The following UBE2V2 variants were observed in gnomAD, a reference collection of about 807,000 sequenced individuals.
UBE2V2 encodes the protein ubiquitin-conjugating enzyme E2 variant 2.
UBE2V2 carries 9 observed loss-of-function variants against 17.2 expected under a neutral mutation model. The ratio of observed to expected loss-of-function variants is 0.52; its 90% CI spans 0.32 to 0.91. The LOEUF (loss-of-function observed/expected upper bound fraction) is 0.91, where lower values mean the gene tolerates loss of function less well. Ranked by LOEUF, UBE2V2 falls within the 40% of genes least tolerant of loss-of-function variation. The pLI is 0.04. For missense variants in UBE2V2, 133 were observed against 182.6 expected, an observed-to-expected ratio of 0.73 and a Z score of 1.56; for synonymous variants, 61 against 57.5, an observed-to-expected ratio of 1.06 and a Z score of -0.28.
chr8:48,009,515 T>C lies in UBE2V2; in HGVS notation c.16+1045T>C, dbSNP rs200224907. On this transcript the variant is annotated intron_variant, in intron 1 of 3. Transcript: ENST00000523111. The stretch of plus-strand genomic sequence containing the variant: ...TCCTGACCTCAGGTGATCCGCCCAC[T>C]TCGGCCTCCCAGAGTGCTGGAATTA... Among the ~76,000 whole-genome samples, 29 of 152,248 alleles carry C rather than the reference T, an allele frequency of 1.9e-4. No individual in the cohort carries two copies. In the East Asian group the frequency reaches 3.9e-3, roughly 20 times the overall value.
chr8:48,056,614 A>G (rs1174396006), intron 3 of UBE2V2, among the ~76,000 whole-genome samples: 1 of 152,038 alleles, frequency 6.6e-6, no homozygotes, highest in Non-Finnish European at 1.5e-5. Context: ...CTGGTCTCGA[A>G]CTCCTGGGCT....
At chr8:48,053,388 G>A (rs1264135647) in intron 3 of UBE2V2, among the ~76,000 whole-genome samples, 2 of 149,816 alleles carry the variant, frequency 1.3e-5, no homozygotes, top group African/African-American at 4.9e-5. Context: ...TTTGTCAAAT[G>A]TTAACATTTG....
At chr8:48,015,564 G>A (rs1173645578) in intron 1 of UBE2V2, among the ~76,000 whole-genome samples, 1 of 152,014 alleles carries the variant, frequency 6.6e-6, no homozygotes, top group Non-Finnish European at 1.5e-5. Flanking sequence ...TAATCACCAT[G>A]CTATACAGTA....
intron 1 of UBE2V2, chr8:48,035,189 C>T: frequency 3.2e-6 from 3 of 924,274 alleles, no homozygotes; most frequent in Non-Finnish European, 3.8e-6. Context: ...AATCTCAGCT[C>T]ACTGCTACTT....
chr8:48,039,991 A>G (rs2091450597), intron 1 of UBE2V2, among the ~76,000 whole-genome samples: 1 of 150,680 alleles, frequency 6.6e-6, no homozygotes, highest in South Asian at 2.1e-4. Context: ...TTGCCTCCCA[A>G]AATGCTGGGT....
chr8:48,000,821 C>CAA, the UBE2V2 span, among the ~76,000 whole-genome samples: 101 of 20,508 alleles, frequency 4.9e-3, 2 homozygotes, highest in Non-Finnish European at 6.1e-3. Context: ...GACTTTGCCT[C>CAA]AAAAAAAAAA....
intron 1 of UBE2V2, among the ~76,000 whole-genome samples, chr8:48,024,485 C>T (rs754156641): frequency 1.3e-5 from 2 of 151,988 alleles, no homozygotes; most frequent in African/African-American, 4.8e-5. Context: ...ATCCCAGCTA[C>T]TCAGGAGACT....
chr8:48,038,482 A>AT (rs575210142), intron 1 of UBE2V2, among the ~76,000 whole-genome samples: 145 of 143,170 alleles, frequency 1.0e-3, no homozygotes, highest in Middle Eastern at 3.6e-3. Context: ...TGCCCAGCTA[A>AT]TTTTTTTTTT....
At chr8:48,035,439 T>C (rs911383210) in intron 1 of UBE2V2, among the ~76,000 whole-genome samples, 1 of 151,856 alleles carries the variant, frequency 6.6e-6, no homozygotes, top group African/African-American at 2.4e-5. Flanking sequence ...CCTCTTCTAC[T>C]GATAAAACAG....
At chr8:48,042,029 G>T (rs1013440003) in intron 1 of UBE2V2, 2 of 152,222 alleles carry the variant, frequency 1.3e-5, no homozygotes, top group Admixed American at 1.3e-4. Flanking sequence ...CCAATCTCAG[G>T]TGATCTGCCT....
chr8:48,010,268 G>A (rs1336589622), intron 1 of UBE2V2, among the ~76,000 whole-genome samples: 2 of 146,542 alleles, frequency 1.4e-5, no homozygotes, highest in African/African-American at 2.5e-5. Context: ...ATGGAGTCTC[G>A]CTGCATTGCC....
At chr8:48,060,209 CAAAAAAAAAA>C (rs557515958) in intron 3 of UBE2V2, among the ~76,000 whole-genome samples, 93 of 43,824 alleles carry the variant, frequency 2.1e-3, no homozygotes, top group African/African-American at 6.3e-3. Flanking sequence ...GACTCTGTCT[CAAAAAAAAAA>C]AAAAAAAAAA....
At chr8:47,999,960 CAGGACAGGG>C in the UBE2V2 span, among the ~76,000 whole-genome samples, 1 of 152,184 alleles carries the variant, frequency 6.6e-6, no homozygotes, top group African/African-American at 2.4e-5. Flanking sequence ...TGGAACAGAA[CAGGACAGGG>C]ATTTTCACAA....
intron 1 of UBE2V2, among the ~76,000 whole-genome samples, chr8:48,024,770 C>G (rs951941499): frequency 2.0e-5 from 3 of 152,004 alleles, no homozygotes. Context: ...AATATTAAAA[C>G]TCCATGTTCT....
At chr8:48,057,352 A>G (rs1288510010) in intron 3 of UBE2V2, among the ~76,000 whole-genome samples, 4 of 152,118 alleles carry the variant, frequency 2.6e-5, no homozygotes, top group African/African-American at 9.6e-5. Flanking sequence ...CCCAGGCTGG[A>G]GTGCAGTGGC....
At chr8:48,015,626 A>G (rs1364211661) in intron 1 of UBE2V2, among the ~76,000 whole-genome samples, 1 of 152,090 alleles carries the variant, frequency 6.6e-6, no homozygotes, top group East Asian at 1.9e-4. Flanking sequence ...TTTGTCTAAC[A>G]TCTTCCCAAT....
At chr8:48,000,893 T>G in the UBE2V2 span, among the ~76,000 whole-genome samples, 1 of 139,188 alleles carries the variant, frequency 7.2e-6, no homozygotes, top group Non-Finnish European at 1.5e-5. Flanking sequence ...AGAGGAAGAC[T>G]CAGAATAAAT....
In UBE2V2 at chr8:48,052,727, G is replaced by A. The variant is rs150008859; in HGVS notation, c.291+2749G>A. ...TGCGTCGTGTCATTTCTGCACTTCA[G>A]ATTCCTTTAGGGGCATCAGCCTCAG... On this transcript the variant is annotated intron_variant, in intron 3 of 3. Coordinates refer to ENST00000523111, the MANE Select transcript of UBE2V2 (RefSeq NM_003350.3). Among the ~76,000 whole-genome samples, 598 of 152,202 alleles carry A rather than the reference G, an allele frequency of 3.9e-3. 4 individuals are homozygous for A. Among genetic ancestry groups the A allele is most frequent in the South Asian group, 0.025 (119 of 4,824 alleles).
chr8:48,036,881 G>C (rs1229069886), intron 1 of UBE2V2, among the ~76,000 whole-genome samples: 2 of 151,986 alleles, frequency 1.3e-5, no homozygotes, highest in Non-Finnish European at 2.9e-5. Context: ...ATGACAGATA[G>C]TTAATATATA....
Sources: gnomAD v4.1 joint callset for allele counts (sites outside exome capture counted in the v4.1 genomes callset) on GRCh38, gnomAD v4.1.1 for gene constraint, MANE v1.5 for transcripts, NCBI Gene and HGNC (gene_info 2026-07-23, HGNC 2026-07-21) for gene names.